The following HERC3 variants were observed in gnomAD, a reference collection of about 807,000 sequenced individuals.
HERC3 encodes probable E3 ubiquitin-protein ligase HERC3.
Under a neutral mutation model 129.9 loss-of-function variants are expected in HERC3, and 58 were observed. The observed-to-expected ratio is 0.45, with a 90% CI of 0.36 to 0.56. The LOEUF is 0.56. Among genes scored for constraint, HERC3 ranks in the 20% least tolerant of loss-of-function variants. The pLI, the probability that HERC3 is intolerant of heterozygous loss-of-function variation, is 0.00. For missense variants in HERC3, 835 were observed against 1,244.2 expected (o/e 0.67, Z 4.95); for synonymous variants, 430 against 451.0 (o/e 0.95, Z 0.59).
chr4:88,580,915 A>G, the HERC3 span, among the ~76,000 whole-genome samples: 1 of 152,190 alleles, frequency 6.6e-6, no homozygotes, highest in Non-Finnish European at 1.5e-5. Context: ...GAATCCATGA[A>G]TACTCCTAGA....
intron 16 of HERC3, among the ~76,000 whole-genome samples, chr4:88,671,744 G>A (rs1731637643): frequency 6.6e-6 from 1 of 152,030 alleles, no homozygotes; most frequent in African/African-American, 2.4e-5. Flanking sequence ...AGCTGGCCTT[G>A]AACTCATGAG....
chr4:88,589,060 A>ATGTG (rs368954233), upstream of HERC3, among the ~76,000 whole-genome samples: 231 of 150,784 alleles, frequency 1.5e-3, 2 homozygotes, highest in African/African-American at 5.1e-3. Flanking sequence ...TTATGGTTAT[A>ATGTG]TGTGTGTGTG....
chr4:88,644,724 C>A (rs1728509447), intron 3 of HERC3, among the ~76,000 whole-genome samples: 1 of 151,986 alleles, frequency 6.6e-6, no homozygotes, highest in African/African-American at 2.4e-5. Flanking sequence ...TGTTTGAATT[C>A]ATAGACTTAT....
chr4:88,565,686 A>G, the HERC3 span, among the ~76,000 whole-genome samples: 9 of 151,814 alleles, frequency 5.9e-5, no homozygotes, highest in Admixed American at 3.9e-4. Context: ...CAGCCACTCT[A>G]TTTCTTTTCA....
the HERC3 span, among the ~76,000 whole-genome samples, chr4:88,551,497 A>T: frequency 6.6e-6 from 1 of 151,336 alleles, no homozygotes; most frequent in East Asian, 1.9e-4. Context: ...ACTTCTCAAA[A>T]GAAGACATTT....
intron 25 of HERC3, 64 bp downstream of exon 25, chr4:88,704,674 G>A (rs1735621461): frequency 2.1e-6 from 2 of 967,148 alleles, no homozygotes; most frequent in South Asian, 2.7e-5. Flanking sequence ...AGTATAGGAT[G>A]ACATGCTCCA....
At chr4:88,630,917 G>A (rs144292461) in intron 3 of HERC3, among the ~76,000 whole-genome samples, 2 of 152,256 alleles carry the variant, frequency 1.3e-5, no homozygotes, top group Non-Finnish European at 2.9e-5. Flanking sequence ...ATTCTGACTA[G>A]TGGAATGCTA....
the HERC3 span, among the ~76,000 whole-genome samples, chr4:88,574,733 G>A: frequency 3.9e-5 from 6 of 152,120 alleles, no homozygotes; most frequent in African/African-American, 1.4e-4. Flanking sequence ...TCATCCATGT[G>A]GTAGCGTGTG....
intron 3 of HERC3, among the ~76,000 whole-genome samples, chr4:88,646,919 G>A (rs1372149684): frequency 1.3e-5 from 2 of 152,154 alleles, no homozygotes; most frequent in Non-Finnish European, 2.9e-5. Flanking sequence ...GTGGCTGCAG[G>A]TTTTATTGTT....
At chr4:88,698,868 C>T (rs1479308873) in intron 23 of HERC3, among the ~76,000 whole-genome samples, 1 of 148,330 alleles carries the variant, frequency 6.7e-6, no homozygotes, top group Non-Finnish European at 1.5e-5. Context: ...TCCTTTTCCC[C>T]ACCTTCCTCA....
chr4:88,600,131 T>C (rs1722818911), intron 2 of HERC3, among the ~76,000 whole-genome samples: 1 of 152,132 alleles, frequency 6.6e-6, no homozygotes, highest in Non-Finnish European at 1.5e-5. Context: ...TCAAATCAGG[T>C]CTTATCTGCT....
At chr4:88,613,939 T>C (rs1172412295) in intron 3 of HERC3, among the ~76,000 whole-genome samples, 1 of 141,948 alleles carries the variant, frequency 7.0e-6, no homozygotes, top group African/African-American at 2.9e-5. Context: ...AATAATTTTA[T>C]TGTGGGATAA....
At chr4:88,666,307 A>T (rs369863014) in intron 12 of HERC3, among the ~76,000 whole-genome samples, 41 of 152,340 alleles carry the variant, frequency 2.7e-4, no homozygotes, top group African/African-American at 9.6e-4. Context: ...AATGAAGACC[A>T]GATTTACAAA....
chr4:88,667,905 TTGAA>T lies in HERC3; in HGVS notation c.1458_1461del (p.Phe486LeufsTer4), dbSNP rs1731214557. On this transcript the variant is annotated frameshift_variant, in exon 14 of 26. Coordinates refer to ENST00000402738, the MANE Select transcript of HERC3 (RefSeq NM_014606.3). LOFTEE classifies it high-confidence loss of function. ...TCCCTCATACAGATTTTGAACAGTT[TTGAA>T]AGTTGTCTGATTCCCCAGTTGTCAA... 1 of 1,611,966 alleles carries T rather than the reference TTGAA, an allele frequency of 6.2e-7. No homozygotes were observed. Among genetic ancestry groups the T allele is most frequent in the African/African-American group, 1.3e-5 (1 of 74,860 alleles).
intron 3 of HERC3, among the ~76,000 whole-genome samples, chr4:88,631,375 A>G (rs1260124424): frequency 6.6e-6 from 1 of 152,198 alleles, no homozygotes; most frequent in East Asian, 1.9e-4. Context: ...GAATCACTTG[A>G]ACCCAGGAGG....
intron 3 of HERC3, among the ~76,000 whole-genome samples, chr4:88,636,525 A>G (rs933771439): frequency 6.6e-6 from 1 of 152,234 alleles, no homozygotes; most frequent in East Asian, 1.9e-4. Flanking sequence ...AAAGAGAGTT[A>G]GACTCCCACA....
intron 3 of HERC3, among the ~76,000 whole-genome samples, chr4:88,615,268 A>G (rs1360845181): frequency 6.6e-6 from 1 of 152,122 alleles, no homozygotes; most frequent in Admixed American, 6.5e-5. Flanking sequence ...GGTAGGTAGA[A>G]TGTTGTAGTT....
the HERC3 span, among the ~76,000 whole-genome samples, chr4:88,545,388 A>G: frequency 6.7e-6 from 1 of 148,572 alleles, no homozygotes; most frequent in South Asian, 2.1e-4. Flanking sequence ...ACATATTTAA[A>G]TTTGTGTAAT....
At chr4:88,532,503 G>T in the HERC3 span, among the ~76,000 whole-genome samples, 1 of 152,156 alleles carries the variant, frequency 6.6e-6, no homozygotes, top group Non-Finnish European at 1.5e-5. Context: ...CATAGGATTG[G>T]ATGATGTCCA....
Sources: allele counts gnomAD v4.1 joint callset (sites outside exome capture counted in the v4.1 genomes callset), GRCh38; gene constraint gnomAD v4.1.1; transcripts MANE v1.5; gene names NCBI Gene and HGNC (gene_info 2026-07-23, HGNC 2026-07-21).